The following GRM7 variants were observed in gnomAD, a reference collection of about 807,000 sequenced individuals.
GRM7 encodes metabotropic glutamate receptor 7.
GRM7 carries 35 observed loss-of-function variants against 84.5 expected under a neutral mutation model. The observed-to-expected ratio is 0.41, with a 90% CI of 0.32 to 0.55. The LOEUF is 0.55. Ranked by LOEUF, GRM7 falls within the 20% of genes least tolerant of loss-of-function variation. The probability of loss-of-function intolerance (pLI) is 0.19; values close to 1 mark genes in which losing one functional copy is unlikely to be tolerated. For missense variants in GRM7, 1,003 were observed against 1,194.6 expected, an observed-to-expected ratio of 0.84 and a Z score of 2.36; for synonymous variants, 487 against 455.1, an observed-to-expected ratio of 1.07 and a Z score of -0.89.
chr3:7,660,866 T>TG (rs139499330), intron 8 of GRM7, among the ~76,000 whole-genome samples: 64,383 of 151,988 alleles, frequency 0.42, 14,939 homozygotes, highest in Non-Finnish European at 0.53. Context: ...GGCAATACAA[T>TG]GAATAAGAAT....
chr3:7,738,140 T>C (rs757941544), intron 9 of GRM7, among the ~76,000 whole-genome samples: 15 of 152,116 alleles, frequency 9.9e-5, no homozygotes, highest in Non-Finnish European at 1.8e-4. Flanking sequence ...TGAGCAACCA[T>C]ACCCGGCCTC....
chr3:7,585,005 T>A (rs1187900321), intron 8 of GRM7, among the ~76,000 whole-genome samples: 1 of 152,212 alleles, frequency 6.6e-6, no homozygotes, highest in African/African-American at 2.4e-5. Flanking sequence ...TACACACATT[T>A]ACACACATAC....
rs5846493 is a variant in GRM7 at position 7,182,896 on chromosome 3, G to GTTTT, written c.736+36244_736+36247dup. Among the ~76,000 whole-genome samples, 513 of 110,696 alleles carry GTTTT rather than the reference G, an allele frequency of 4.6e-3. 10 individuals are homozygous for GTTTT. Among genetic ancestry groups the GTTTT allele is most frequent in the South Asian group, 0.017 (51 of 2,936 alleles). 72.6% of individuals were successfully genotyped at this position (110,696 alleles called of 152,430 possible). On this transcript the variant is annotated intron_variant, in intron 2 of 9. Coordinates refer to ENST00000357716, the MANE Select transcript of GRM7 (RefSeq NM_000844.4). ...TAGGTTTTAGGCGTAACGTGAAAGTGTTTTTTTTTTTTTTTTTTTCAATGA... is the reference window on the plus strand; with the variant it reads ...TAGGTTTTAGGCGTAACGTGAAAGTGTTTTTTTTTTTTTTTTTTTTTTTCAATGA...
chr3:7,008,204 G>A (rs924224900), intron 1 of GRM7, among the ~76,000 whole-genome samples: 1 of 152,028 alleles, frequency 6.6e-6, no homozygotes, highest in Non-Finnish European at 1.5e-5. Flanking sequence ...TTGTGTCAAT[G>A]CCTGTCTCTG....
chr3:7,579,601 TAAATG>T (rs1434836399), intron 8 of GRM7, among the ~76,000 whole-genome samples: 4 of 152,206 alleles, frequency 2.6e-5, no homozygotes, highest in Non-Finnish European at 5.9e-5. Context: ...ATAGAATTAT[TAAATG>T]TAATGAGAGA....
At chr3:6,892,363 T>TC (rs34338227) in intron 1 of GRM7, among the ~76,000 whole-genome samples, 18,033 of 152,128 alleles carry the variant, frequency 0.12, 1,244 homozygotes, top group African/African-American at 0.17. Flanking sequence ...CACATACACT[T>TC]AATTTTGCAT....
chr3:6,883,048 G>C (rs537134592), intron 1 of GRM7, among the ~76,000 whole-genome samples: 2 of 152,242 alleles, frequency 1.3e-5, no homozygotes, highest in South Asian at 4.1e-4. Context: ...ATCGTGTGTA[G>C]ATTCTCACAC....
intron 4 of GRM7, among the ~76,000 whole-genome samples, chr3:7,370,746 G>C (rs1230272183): frequency 2.0e-5 from 3 of 152,098 alleles, no homozygotes; most frequent in Non-Finnish European, 1.5e-5. Flanking sequence ...CCTCATAGAA[G>C]AAATCGTGTA....
chr3:7,364,098 A>C (rs1693778869), intron 4 of GRM7, among the ~76,000 whole-genome samples: 1 of 152,034 alleles, frequency 6.6e-6, no homozygotes. Context: ...TTTTTAAGAA[A>C]GGTGTATTAA....
intron 7 of GRM7, among the ~76,000 whole-genome samples, chr3:7,472,310 A>C (rs1698734206): frequency 1.3e-5 from 2 of 152,210 alleles, no homozygotes. Flanking sequence ...ATGGACTAAG[A>C]GAGTTCACAT....
At chr3:7,453,408 G>A (rs192371543) in intron 6 of GRM7, among the ~76,000 whole-genome samples, 2 of 152,080 alleles carry the variant, frequency 1.3e-5, no homozygotes, top group African/African-American at 4.8e-5. Flanking sequence ...TGTTTTGTCT[G>A]GGCTTCTGAT....
At position 7,740,519 on chromosome 3, in the gene GRM7, C is replaced by A; in HGVS notation, c.*113C>A. 1 of 583,366 alleles carries A rather than the reference C, an allele frequency of 1.7e-6. No individual in the cohort carries two copies. The highest frequency in any genetic ancestry group is 3.2e-5 in the East Asian group (1 of 30,822). The allele number at this position is 583,366 out of a possible 1,614,324, so 36.1% of individuals were successfully genotyped here. A position where few individuals can be genotyped will look rare whatever the true frequency, so the allele number is the denominator to read the frequency against. ...CTTCCCATCACCGGAGGAGCTTCCCCGGCCGGGAGACCAGTGTTAGAGGAT... is the reference window on the plus strand; with the variant it reads ...CTTCCCATCACCGGAGGAGCTTCCCAGGCCGGGAGACCAGTGTTAGAGGAT... On this transcript the variant is annotated 3_prime_UTR_variant, in exon 10 of 10. Transcript: ENST00000357716.
At chr3:7,343,520 A>T (rs57654691) in intron 4 of GRM7, among the ~76,000 whole-genome samples, 6,065 of 152,154 alleles carry the variant, frequency 0.04, 262 homozygotes, top group African/African-American at 0.11. Flanking sequence ...GGCCTGTAAG[A>T]ATATTTATTT....
intron 2 of GRM7, among the ~76,000 whole-genome samples, chr3:7,225,447 G>T (rs1696951868): frequency 6.8e-6 from 1 of 146,594 alleles, no homozygotes; most frequent in Non-Finnish European, 1.5e-5. Context: ...GTAATTTCTT[G>T]ATATATTAAA....
chr3:7,351,339 G>A (rs1353389965), intron 4 of GRM7, among the ~76,000 whole-genome samples: 610 of 45,690 alleles, frequency 0.013, 6 homozygotes, highest in African/African-American at 0.023. Flanking sequence ...TCCCACAGGC[G>A]AAAAAAAAAA....
At chr3:7,527,973 G>A (rs995964594) in intron 7 of GRM7, among the ~76,000 whole-genome samples, 1 of 152,016 alleles carries the variant, frequency 6.6e-6, no homozygotes, top group African/African-American at 2.4e-5. Flanking sequence ...CAGGGGTACT[G>A]ACACATTGTT....
chr3:7,604,507 T>A (rs566181146), intron 8 of GRM7, among the ~76,000 whole-genome samples: 1 of 152,194 alleles, frequency 6.6e-6, no homozygotes, highest in South Asian at 2.1e-4. Context: ...ACCTCAACAC[T>A]CTTGACCTGC....
At chr3:7,500,000 T>G (rs781413575) in intron 7 of GRM7, among the ~76,000 whole-genome samples, 5 of 152,130 alleles carry the variant, frequency 3.3e-5, no homozygotes, top group Admixed American at 6.5e-5. Flanking sequence ...GGTCTCAATC[T>G]CCTGACCTTG....
chr3:7,720,781 A>G (rs942971366), intron 9 of GRM7, among the ~76,000 whole-genome samples: 7 of 152,262 alleles, frequency 4.6e-5, no homozygotes, highest in Admixed American at 1.3e-4. Context: ...TCTGGCACAT[A>G]GTAGACAGCT....
Sources: gnomAD v4.1 joint callset for allele counts (sites outside exome capture counted in the v4.1 genomes callset) on GRCh38, gnomAD v4.1.1 for gene constraint, MANE v1.5 for transcripts, NCBI Gene and HGNC (gene_info 2026-07-23, HGNC 2026-07-21) for gene names.